ANO2: variants seen among roughly 807,000 people sequenced by gnomAD.
ANO2 encodes anoctamin 2, also known as anoctamin-2.
In ANO2, 101 loss-of-function variants were observed where a neutral mutation model predicts 124.2. That is an observed-to-expected ratio of 0.81 (90% CI 0.69 to 0.96). ANO2 has a LOEUF of 0.96. ANO2 is among the 40% of genes least tolerant of loss of function. ANO2 has a pLI of 0.00. For synonymous variants in ANO2, 486 were observed against 482.5 expected (o/e 1.01, Z -0.09); for missense variants, 1,293 against 1,274.5 (o/e 1.01, Z -0.22).
chr12:5,830,507 G>A lies in ANO2; in HGVS notation c.786-18C>T. ...TGTTGTACCTGGAGACACCAAGAGA[G>A]CAGATGGCAAATTCATTTCATTACC... On this transcript the variant is annotated intron_variant, in intron 5 of 24. Transcript: ENST00000682330. 1 of 1,606,804 alleles carries A rather than the reference G, an allele frequency of 6.2e-7. No homozygotes were observed. The highest frequency in any genetic ancestry group is 1.1e-5 in the South Asian group (1 of 89,100).
At chr12:5,580,183 G>C (rs1942662598) in intron 20 of ANO2, among the ~76,000 whole-genome samples, 1 of 152,176 alleles carries the variant, frequency 6.6e-6, no homozygotes, top group Non-Finnish European at 1.5e-5. Flanking sequence ...GTAAATTGAA[G>C]ATAATAGTAA....
intron 1 of ANO2, among the ~76,000 whole-genome samples, chr12:5,927,383 G>C (rs1942130373): frequency 6.6e-6 from 1 of 152,212 alleles, no homozygotes; most frequent in Admixed American, 6.5e-5. Context: ...AGATGAAGAA[G>C]GGGTAGGATC....
intron 11 of ANO2, among the ~76,000 whole-genome samples, chr12:5,750,629 G>A (rs1272232479): frequency 6.6e-6 from 1 of 152,226 alleles, no homozygotes; most frequent in African/African-American, 2.4e-5. Flanking sequence ...AGAGGAAGTA[G>A]GCCTCGCCTA....
intron 3 of ANO2, among the ~76,000 whole-genome samples, chr12:5,912,577 T>A (rs1317205981): frequency 6.6e-6 from 1 of 152,198 alleles, no homozygotes; most frequent in Admixed American, 6.5e-5. Flanking sequence ...GCTTTCCCTG[T>A]GCATCCCCAC....
chr12:5,798,819 C>G (rs1340936494), intron 10 of ANO2, among the ~76,000 whole-genome samples: 1 of 152,260 alleles, frequency 6.6e-6, no homozygotes, highest in Non-Finnish European at 1.5e-5. Context: ...AGTGCTGTCA[C>G]ACAGTGCTGC....
intron 23 of ANO2, among the ~76,000 whole-genome samples, chr12:5,573,541 G>A (rs1418425994): frequency 1.3e-5 from 2 of 152,220 alleles, no homozygotes; most frequent in Non-Finnish European, 2.9e-5. Context: ...CCTCTGTGCT[G>A]TGGAACTATG....
intron 14 of ANO2, among the ~76,000 whole-genome samples, chr12:5,693,394 G>A (rs73037407): frequency 0.12 from 17,870 of 151,994 alleles, 1,164 homozygotes; most frequent in African/African-American, 0.18. Flanking sequence ...CCTTTGAAAC[G>A]TAGTCAGCAC....
At chr12:5,626,346 T>C (rs577492157) in intron 16 of ANO2, among the ~76,000 whole-genome samples, 1 of 152,032 alleles carries the variant, frequency 6.6e-6, no homozygotes, top group Admixed American at 6.5e-5. Context: ...ATATGTGTCC[T>C]AGAAACAGGA....
intron 10 of ANO2, among the ~76,000 whole-genome samples, chr12:5,777,559 C>G (rs773011672): frequency 6.6e-6 from 1 of 152,126 alleles, no homozygotes; most frequent in South Asian, 2.1e-4. Context: ...CCCAGCAATG[C>G]TTTCTTATTA....
intron 7 of ANO2, among the ~76,000 whole-genome samples, chr12:5,818,171 C>CG (rs1953668391): frequency 1.5e-4 from 1 of 6,892 alleles, no homozygotes; most frequent in Non-Finnish European, 2.1e-3. Flanking sequence ...AGGGTGTTGC[C>CG]AAAGATTAAC....
At chr12:5,743,312 G>A (rs1461210427) in intron 12 of ANO2, among the ~76,000 whole-genome samples, 1 of 152,166 alleles carries the variant, frequency 6.6e-6, no homozygotes, top group African/African-American at 2.4e-5. Flanking sequence ...CAAACCAAGG[G>A]CCTGCACATT....
chr12:5,706,081 C>T (rs953225233), intron 14 of ANO2, among the ~76,000 whole-genome samples: 2 of 152,208 alleles, frequency 1.3e-5, no homozygotes. Context: ...GCATTGTACG[C>T]TGGCTTTGCA....
At position 5,578,217 on chromosome 12, in the gene ANO2, T is replaced by C; in HGVS notation, c.2386+149A>G. 6.3e-6 allele frequency: 8 copies of C among 1,264,004 alleles called. No homozygotes were observed. In the East Asian group the frequency reaches 1.7e-4, roughly 26 times the overall value. The allele number at this position is 1,264,004 out of a possible 1,614,324, so 78.3% of individuals were successfully genotyped here. A position where few individuals can be genotyped will look rare whatever the true frequency, so the allele number is the denominator to read the frequency against. On this transcript the variant is annotated intron_variant, in intron 21 of 24. Transcript: ENST00000682330. ...GTGGATAAAGCGGTCTCAGAAGGCG[T>C]CCCTGCACTTCAGGATATGAGGATG...
At chr12:5,853,677 G>A (rs944920478) in intron 4 of ANO2, among the ~76,000 whole-genome samples, 2 of 152,172 alleles carry the variant, frequency 1.3e-5, no homozygotes, top group Admixed American at 6.5e-5. Context: ...CACAGTCAGC[G>A]TGGCTTGCAG....
chr12:5,782,637 G>A (rs1183599050), intron 10 of ANO2, among the ~76,000 whole-genome samples: 3 of 152,138 alleles, frequency 2.0e-5, no homozygotes, highest in Non-Finnish European at 4.4e-5. Context: ...ACTCCATCAT[G>A]GCCAGATGTA....
At chr12:5,845,498 C>T (rs940573659) in intron 4 of ANO2, among the ~76,000 whole-genome samples, 53 of 142,452 alleles carry the variant, frequency 3.7e-4, no homozygotes, top group Non-Finnish European at 7.2e-4. Context: ...ACTCAGGAGG[C>T]GGAGCTTGCA....
chr12:5,696,266 C>T (rs1272742871), intron 14 of ANO2, among the ~76,000 whole-genome samples: 26 of 152,122 alleles, frequency 1.7e-4, no homozygotes, highest in Admixed American at 1.6e-3. Flanking sequence ...ACACATTGAT[C>T]AGACCTTTAA....
chr12:5,628,324 T>C (rs1445016606), intron 16 of ANO2, among the ~76,000 whole-genome samples: 1 of 152,200 alleles, frequency 6.6e-6, no homozygotes, highest in African/African-American at 2.4e-5. Flanking sequence ...ATACTCGACC[T>C]CTTGTCATTC....
intron 14 of ANO2, among the ~76,000 whole-genome samples, chr12:5,728,086 G>A (rs11063841): frequency 0.12 from 18,278 of 152,116 alleles, 1,224 homozygotes; most frequent in East Asian, 0.21. Context: ...GATTACAGGC[G>A]TGAGCCACCG....
Sources: gnomAD v4.1 joint callset for allele counts (sites outside exome capture counted in the v4.1 genomes callset) on GRCh38, gnomAD v4.1.1 for gene constraint, MANE v1.5 for transcripts, NCBI Gene and HGNC (gene_info 2026-07-23, HGNC 2026-07-21) for gene names.